The following KLC3 variants were observed in gnomAD, a reference collection of about 807,000 sequenced individuals.
KLC3 encodes kinesin light chain 2.
Under a neutral mutation model 62.9 loss-of-function variants are expected in KLC3, and 72 were observed. The observed-to-expected ratio is 1.15, with a 90% CI of 0.95 to 1.39. The LOEUF (loss-of-function observed/expected upper bound fraction) is 1.39, where lower values mean the gene tolerates loss of function less well. Ranked by LOEUF, KLC3 falls within the 40% of genes most tolerant of loss-of-function variation. The pLI is 0.00. For synonymous variants in KLC3, 377 were observed against 300.5 expected (o/e 1.25, Z -2.63); for missense variants, 848 against 691.6 (o/e 1.23, Z -2.54).
At chr19:45,347,627 G>T in intron 4 of KLC3, 111 bp downstream of exon 4, 1 of 987,722 alleles carries the variant, frequency 1.0e-6, no homozygotes, top group South Asian at 1.6e-5. Flanking sequence ...GTGAGGGCAG[G>T]GTGAGGAGGA....
intron 4 of KLC3, 151 bp from the exon 5 acceptor site, chr19:45,347,790 C>A: frequency 1.4e-6 from 1 of 700,360 alleles, no homozygotes; most frequent in Non-Finnish European, 2.4e-6. Flanking sequence ...TGGTTAGATG[C>A]TAGTGACTCC....
In KLC3 at chr19:45,348,847, G is replaced by T; in HGVS notation, c.895G>T (p.Val299Phe). ...AVAATLNNLA[V>F]LYGKRGRYRE... The stretch of plus-strand genomic sequence containing the variant: ...GGCCGCCACGCTCAACAACTTGGCT[G>T]TCCTCTATGGGAAGCGTGGGCGTTA... Residue 299 changes from valine (V) to phenylalanine (F), a missense_variant, in exon 7 of 13, where the codon GTC (valine) becomes TTC (phenylalanine). Physicochemically the swap from Val to Phe is conservative, Grantham distance 50. Transcript: ENST00000391946. The T allele has an allele frequency of 6.3e-7, 1 of 1,577,090 alleles. No individual in the cohort carries two copies. Among genetic ancestry groups the T allele is most frequent in the Non-Finnish European group, 8.6e-7 (1 of 1,161,436 alleles).
In KLC3 at chr19:45,346,533, A is replaced by T; in HGVS notation, c.259-11A>T. On this transcript the variant is annotated splice_polypyrimidine_tract_variant and intron_variant, in intron 2 of 12. Transcript: ENST00000391946. ...GAACCAACCTCGACTTGGGACCCCC[A>T]CCCCGGGCAGGTGCTGCTGGCCCTG... The T allele has an allele frequency of 6.6e-7, 1 of 1,518,672 alleles. No individual in the cohort carries two copies. Among genetic ancestry groups the T allele is most frequent in the Non-Finnish European group, 8.8e-7 (1 of 1,130,860 alleles). The allele number at this position is 1,518,672 out of a possible 1,614,324, so 94.1% of individuals were successfully genotyped here.
chr19:45,349,705 G>GCCCGCCCCCCCCCCC, intron 8 of KLC3, 103 bp downstream of exon 8: 1 of 789,674 alleles, frequency 1.3e-6, no homozygotes, highest in Non-Finnish European at 1.9e-6. Flanking sequence ...GTGGGGGGGG[G>GCCCGCCCCCCCCCCC]CCCCCCAGGC....
chr19:45,345,878 T>C, intron 2 of KLC3, 79 bp downstream of exon 2: 4 of 1,329,998 alleles, frequency 3.0e-6, no homozygotes, highest in Non-Finnish European at 2.9e-6. Flanking sequence ...GGGACAGGTA[T>C]GTAGGGGACT....
chr19:45,350,061 G>C (rs897317240), intron 8 of KLC3: 3 of 479,748 alleles, frequency 6.3e-6, no homozygotes, highest in African/African-American at 5.8e-5. Flanking sequence ...AAGTAAGGCC[G>C]AGCTCCAAAC....
intron 1 of KLC3, chr19:45,345,303 A>T (rs1272292644): frequency 1.6e-6 from 1 of 618,882 alleles, no homozygotes; most frequent in African/African-American, 1.9e-5. Flanking sequence ...CTGGGTTGGG[A>T]GGACAGACGA....
At chr19:45,350,814 CCCCCAT>C (rs1020132810) in intron 11 of KLC3, 67 bp downstream of exon 11, 81 of 1,348,956 alleles carry the variant, frequency 6.0e-5, no homozygotes, top group Non-Finnish European at 7.9e-5. Flanking sequence ...CCCACCCCCA[CCCCCAT>C]CTTGCTCAAG....
Position 45,350,967 on chromosome 19 carries a change from A to G in KLC3, c.1393A>G (p.Met465Val). ...AAGAAGMKRA[M>V]SLNTLNVDAP... ...CCCTCTTTGCAGAATGAAGAGAGCC[A>G]TGTCACTCAACACACTGAACGTGGA... Residue 465 changes from methionine (M) to valine (V), a missense_variant, in exon 12 of 13, where the codon ATG (methionine) becomes GTG (valine). Met to Val is a conservative substitution (Grantham distance 21). Coordinates refer to ENST00000391946, the MANE Select transcript of KLC3 (RefSeq NM_177417.3). 6.2e-7 allele frequency: 1 copy of G among 1,614,100 alleles called. No individual in the cohort carries two copies. The highest frequency in any genetic ancestry group is 1.1e-5 in the South Asian group (1 of 91,086).
chr19:45,346,838 C>G, intron 3 of KLC3, 64 bp downstream of exon 3: 1 of 1,133,510 alleles, frequency 8.8e-7, no homozygotes, highest in Admixed American at 2.5e-5. Flanking sequence ...GTCCCCCAGA[C>G]CCTCCTTAGA....
At chr19:45,344,214 CTTTT>C (rs60340712) in intron 1 of KLC3, among the ~76,000 whole-genome samples, 6 of 121,082 alleles carry the variant, frequency 5.0e-5, no homozygotes, top group Non-Finnish European at 5.2e-5. Flanking sequence ...TGTGTACCGT[CTTTT>C]TTTTTTTTTT....
Position 45,348,928 on chromosome 19 carries a change from TC to T in KLC3, c.969+12del. ...TTTGGAGATCCGAGAGAAGGTCCCA[TC>T]CCCCTCACCCCACCCCGAGGAACCC... is the stretch of plus-strand genomic sequence containing the variant. On this transcript the variant is annotated splice_region_variant and intron_variant, in intron 7 of 12. Transcript: ENST00000391946. 1 of 1,568,780 alleles carries T rather than the reference TC, an allele frequency of 6.4e-7. No homozygotes were observed.
At position 45,351,316 on chromosome 19, in the gene KLC3, C is replaced by T. The variant is rs200617999; in HGVS notation, c.1474C>T (p.Arg492Trp). Reference protein sequence around the residue: ...FPSWHLDKAPRTLSASTQDLS... With the variant: ...FPSWHLDKAPWTLSASTQDLS... ...CAGCTGGCACCTGGACAAGGCCCCT[C>T]GGACCCTCAGCGCCAGCACCCAGGA... The change falls in exon 13 of 13, where the codon CGG becomes TGG. Residue 492 changes from arginine to tryptophan, a missense_variant. Coordinates refer to ENST00000391946, the MANE Select transcript of KLC3 (RefSeq NM_177417.3). The T allele has an allele frequency of 7.1e-5, 115 of 1,612,494 alleles. No individual in the cohort carries two copies. The Admixed American group carries it at 7.2e-4, about 10-fold the overall frequency.
intron 3 of KLC3, chr19:45,347,011 CA>C (rs1273662178): frequency 3.9e-6 from 2 of 510,208 alleles, no homozygotes; most frequent in African/African-American, 3.9e-5. Context: ...GCCAGACCCC[CA>C]GGGGGCCTCT....
At chr19:45,349,880 C>T (rs1971633324) in intron 8 of KLC3, 7 of 483,118 alleles carry the variant, frequency 1.4e-5, no homozygotes, top group South Asian at 1.2e-4. Context: ...GCCGGCTCCC[C>T]TCTTAGCCCG....
intron 3 of KLC3, 43 bp from the exon 4 acceptor site, chr19:45,347,404 C>CT: frequency 6.9e-7 from 1 of 1,455,588 alleles, no homozygotes; most frequent in Admixed American, 1.9e-5. Flanking sequence ...GTCTCTGAAA[C>CT]AAGCCCCCAC....
chr19:45,346,360 A>G lies in KLC3; in HGVS notation c.259-184A>G, dbSNP rs539866907. On this transcript the variant is annotated intron_variant, in intron 2 of 12. Transcript: ENST00000391946. Reference sequence around the variant, plus strand: ...TGGGTCCTAGGGCAAGTTTGGGGGTAAAATCAGAGGGGCCCCTGGGAGCCT... The same window carrying G: ...TGGGTCCTAGGGCAAGTTTGGGGGTGAAATCAGAGGGGCCCCTGGGAGCCT... Among the ~76,000 whole-genome samples, 564 of 152,236 alleles carry G rather than the reference A, an allele frequency of 3.7e-3. 3 individuals carry two copies. The highest frequency in any genetic ancestry group is 0.012 in the African/African-American group (492 of 41,532).
rs796138384 is a variant in KLC3 at position 45,347,969 on chromosome 19, T to G, written c.588T>G (p.Ala196=). Residue 196 remains alanine, a synonymous_variant, in exon 5 of 13, where the codon GCT becomes GCG. Coordinates refer to ENST00000391946, the MANE Select transcript of KLC3 (RefSeq NM_177417.3). ...KGPEAAGAAA[A]QQGGYEIPAR... ...CTGAGGCCGCAGGAGCAGCAGCTGC[T>G]CAGCAGGGTGGCTATGAGATCCCTG... The G allele has an allele frequency of 8.1e-6, 13 of 1,608,486 alleles. No individual in the cohort carries two copies. In the African/African-American group the frequency reaches 1.3e-4, roughly 17 times the overall value.
chr19:45,340,945 T>A (rs990682090), intron 1 of KLC3, 99 bp downstream of exon 1: 3 of 152,008 alleles, frequency 2.0e-5, no homozygotes, highest in Non-Finnish European at 2.9e-5. Flanking sequence ...GGAAGGGCCT[T>A]GGGGCTCCCG....
Sources: gnomAD v4.1 joint callset for allele counts (sites outside exome capture counted in the v4.1 genomes callset) on GRCh38, gnomAD v4.1.1 for gene constraint, MANE v1.5 for transcripts, NCBI Gene and HGNC (gene_info 2026-07-23, HGNC 2026-07-21) for gene names.